STK32B: variants seen among roughly 807,000 people sequenced by gnomAD.
STK32B encodes serine/threonine kinase 32B.
A neutral mutation model predicts 52.6 loss-of-function variants in STK32B; 43 were observed. The observed-to-expected ratio is 0.82, with a 90% CI of 0.64 to 1.05. The LOEUF is 1.05. Among genes scored for constraint, STK32B ranks in the 50% least tolerant of loss-of-function variants. The pLI is 0.00. For synonymous variants in STK32B, 238 were observed against 204.3 expected (o/e 1.17, Z -1.41); for missense variants, 621 against 534.6 (o/e 1.16, Z -1.59).
chr4:5,198,890 G>A (rs949986789), intron 3 of STK32B, among the ~76,000 whole-genome samples: 3 of 149,734 alleles, frequency 2.0e-5, no homozygotes, highest in African/African-American at 7.7e-5. Flanking sequence ...TGCGCACAGT[G>A]TTTATACAGA....
chr4:5,277,096 C>A (rs1023697246), intron 3 of STK32B, among the ~76,000 whole-genome samples: 1 of 152,160 alleles, frequency 6.6e-6, no homozygotes, highest in Non-Finnish European at 1.5e-5. Context: ...GTGGGGCATT[C>A]GAAAGACAAC....
At chr4:5,423,295 T>C (rs892035119) in intron 6 of STK32B, among the ~76,000 whole-genome samples, 6 of 152,196 alleles carry the variant, frequency 3.9e-5, no homozygotes, top group Non-Finnish European at 2.9e-5. Flanking sequence ...ACCTGGGTGA[T>C]TCTCATTACC....
chr4:5,152,800 A>C (rs1717478996), intron 2 of STK32B, among the ~76,000 whole-genome samples: 1 of 152,236 alleles, frequency 6.6e-6, no homozygotes, highest in Non-Finnish European at 1.5e-5. Flanking sequence ...ACACAGCAGC[A>C]CTGCCACCTT....
chr4:5,161,005 A>C (rs569762675), intron 2 of STK32B, among the ~76,000 whole-genome samples: 1 of 152,182 alleles, frequency 6.6e-6, no homozygotes, highest in Non-Finnish European at 1.5e-5. Flanking sequence ...GTAGGAGGGG[A>C]ACTGAGGCCA....
chr4:5,051,058 A>C (rs1741749221), upstream of STK32B, among the ~76,000 whole-genome samples: 2 of 152,098 alleles, frequency 1.3e-5, no homozygotes, highest in African/African-American at 4.8e-5. Context: ...AAAAACCTTA[A>C]GAGGAACAGC....
chr4:5,226,225 T>C (rs1014935395), intron 3 of STK32B, among the ~76,000 whole-genome samples: 3 of 152,244 alleles, frequency 2.0e-5, no homozygotes, highest in African/African-American at 7.2e-5. Context: ...CAAAAGTTGC[T>C]ATTTTTTTGC....
chr4:5,431,367 T>C (rs1368719636), intron 6 of STK32B, among the ~76,000 whole-genome samples: 8 of 152,320 alleles, frequency 5.3e-5, no homozygotes, highest in African/African-American at 1.9e-4. Context: ...AAGAGAGTGG[T>C]ACTGGATAAA....
At chr4:5,472,537 C>T (rs953736793) in intron 11 of STK32B, among the ~76,000 whole-genome samples, 1 of 152,178 alleles carries the variant, frequency 6.6e-6, no homozygotes, top group African/African-American at 2.4e-5. Flanking sequence ...CCAGGGGGCC[C>T]ATCCTCCTAT....
At position 5,453,525 on chromosome 4, in the gene STK32B, C is replaced by T. The variant is rs556676475; in HGVS notation, c.667-3282C>T. Among the ~76,000 whole-genome samples the T allele has an allele frequency of 9.2e-5, 14 of 152,060 alleles. No individual in the cohort carries two copies. Among genetic ancestry groups the T allele is most frequent in the African/African-American group, 3.1e-4 (13 of 41,452 alleles). On this transcript the variant is annotated intron_variant, in intron 7 of 11. Transcript: ENST00000282908. This position sits in a 1 kb window ranked among gnomAD's most constrained non-coding sequence, Gnocchi z 4.0. Reference sequence around the variant, plus strand: ...GCCCCATCATTGTCCAGGGTCTTTGCACCTCCTTTTCAGGGTAGGGGTGGG... The same window carrying T: ...GCCCCATCATTGTCCAGGGTCTTTGTACCTCCTTTTCAGGGTAGGGGTGGG...
intron 2 of STK32B, among the ~76,000 whole-genome samples, chr4:5,165,465 G>A (rs73797110): frequency 0.013 from 2,039 of 152,182 alleles, 36 homozygotes; most frequent in African/African-American, 0.047. Flanking sequence ...CTGAAGGGAC[G>A]CAGCCCCGGG....
rs540826881 is a variant in STK32B at position 5,237,866 on chromosome 4, T to C, written c.260+69416T>C. Among the ~76,000 whole-genome samples the C allele has an allele frequency of 1.9e-4, 29 of 152,282 alleles. No individual in the cohort carries two copies. The East Asian group carries it at 4.4e-3, about 23-fold the overall frequency. ...TGGTGAAGGACCTAGGACTGTCCTTTTCCCCATCTGACTATTATTTTTCAA... is the reference window on the plus strand; with the variant it reads ...TGGTGAAGGACCTAGGACTGTCCTTCTCCCCATCTGACTATTATTTTTCAA... On this transcript the variant is annotated intron_variant, in intron 3 of 11. Coordinates refer to ENST00000282908, the MANE Select transcript of STK32B (RefSeq NM_018401.3).
At chr4:5,148,142 AAATT>A (rs748093399) in intron 2 of STK32B, among the ~76,000 whole-genome samples, 11 of 151,818 alleles carry the variant, frequency 7.2e-5, no homozygotes, top group Non-Finnish European at 1.2e-4. Flanking sequence ...ATTTTTCAAG[AAATT>A]AATCAATTTT....
At chr4:5,166,679 G>A (rs1381380148) in intron 2 of STK32B, among the ~76,000 whole-genome samples, 1 of 151,754 alleles carries the variant, frequency 6.6e-6, no homozygotes, top group East Asian at 1.9e-4. Flanking sequence ...AGCCTTCAGA[G>A]GGGGCAGGAC....
chr4:5,421,253 C>G (rs1454963257), intron 6 of STK32B, among the ~76,000 whole-genome samples: 1 of 152,028 alleles, frequency 6.6e-6, no homozygotes, highest in African/African-American at 2.4e-5. Context: ...CCACGCCTGG[C>G]TATTTTTTTT....
At chr4:5,175,472 T>C (rs898795339) in intron 3 of STK32B, among the ~76,000 whole-genome samples, 1 of 152,202 alleles carries the variant, frequency 6.6e-6, no homozygotes, top group East Asian at 1.9e-4. Context: ...GATGTACAGA[T>C]GGGTTTTTGG....
chr4:5,302,953 G>A (rs1729660653), intron 3 of STK32B, among the ~76,000 whole-genome samples: 1 of 151,500 alleles, frequency 6.6e-6, no homozygotes, highest in Non-Finnish European at 1.5e-5. Flanking sequence ...TTATGGCTGA[G>A]TAGTATTCTA....
At position 5,412,535 on chromosome 4, in the gene STK32B, G is replaced by T. The variant is rs113823897; in HGVS notation, c.473-4310G>T. Reference sequence around the variant, plus strand: ...TGAAGGCCAGGAGGTAACGAGATCAGGACTGTTTGACCCAGCTCTGTAGGA... The same window carrying T: ...TGAAGGCCAGGAGGTAACGAGATCATGACTGTTTGACCCAGCTCTGTAGGA... On this transcript the variant is annotated intron_variant, in intron 5 of 11. Coordinates refer to ENST00000282908, the MANE Select transcript of STK32B (RefSeq NM_018401.3). Among the ~76,000 whole-genome samples, 200 of 152,280 alleles carry T rather than the reference G, an allele frequency of 1.3e-3. 1 individual carries two copies. Among genetic ancestry groups the T allele is most frequent in the African/African-American group, 4.4e-3 (181 of 41,560 alleles).
At chr4:5,159,021 A>G (rs1385727855) in intron 2 of STK32B, among the ~76,000 whole-genome samples, 1 of 152,070 alleles carries the variant, frequency 6.6e-6, no homozygotes, top group Non-Finnish European at 1.5e-5. Flanking sequence ...CTGTCATCTC[A>G]TCTCAGTGAC....
chr4:5,280,349 G>A (rs1251995510), intron 3 of STK32B, among the ~76,000 whole-genome samples: 2 of 152,084 alleles, frequency 1.3e-5, no homozygotes, highest in Non-Finnish European at 2.9e-5. Flanking sequence ...TCCTCAGCCT[G>A]GACTTCACTG....
Sources: allele counts gnomAD v4.1 joint callset (sites outside exome capture counted in the v4.1 genomes callset), GRCh38; gene constraint gnomAD v4.1.1; non-coding constraint Gnocchi (gnomAD v3.1); transcripts MANE v1.5; gene names NCBI Gene and HGNC (gene_info 2026-07-23, HGNC 2026-07-21).